RERG: variants seen among roughly 807,000 people sequenced by gnomAD.
RERG encodes the protein ras-related and estrogen-regulated growth inhibitor.
A neutral mutation model predicts 23.2 loss-of-function variants in RERG; 25 were observed. The observed-to-expected ratio is 1.08, with a 90% CI of 0.79 to 1.50. The LOEUF (loss-of-function observed/expected upper bound fraction) is 1.50. Among genes scored for constraint, RERG ranks in the 40% most tolerant of loss-of-function variants. RERG has a pLI of 0.00. For synonymous variants in RERG, 81 were observed against 89.1 expected, an observed-to-expected ratio of 0.91 and a Z score of 0.51; for missense variants, 253 against 250.1, an observed-to-expected ratio of 1.01 and a Z score of -0.08.
At chr12:15,179,927 A>C (rs1864901452) in intron 2 of RERG, among the ~76,000 whole-genome samples, 1 of 152,148 alleles carries the variant, frequency 6.6e-6, no homozygotes, top group Admixed American at 6.6e-5. Flanking sequence ...TGGGTCCCAC[A>C]TCATCTGGGT....
At chr12:15,138,582 A>G (rs1440560172) in intron 2 of RERG, among the ~76,000 whole-genome samples, 1 of 151,982 alleles carries the variant, frequency 6.6e-6, no homozygotes, top group Non-Finnish European at 1.5e-5. Context: ...TACATTAACC[A>G]TGAGCTTTTG....
chr12:15,133,143 G>GGA (rs1491128833), intron 2 of RERG, among the ~76,000 whole-genome samples: 1 of 63,024 alleles, frequency 1.6e-5, no homozygotes, highest in Non-Finnish European at 3.2e-5. Context: ...TATATCCTGT[G>GGA]GAGATATATA....
chr12:15,148,154 C>T (rs973652880), intron 2 of RERG, among the ~76,000 whole-genome samples: 9 of 151,892 alleles, frequency 5.9e-5, no homozygotes, highest in Admixed American at 2.0e-4. Flanking sequence ...TCTTAGATAA[C>T]GTGACCTGAG....
intron 2 of RERG, among the ~76,000 whole-genome samples, chr12:15,130,395 C>T (rs535123565): frequency 6.6e-6 from 1 of 152,134 alleles, no homozygotes; most frequent in Non-Finnish European, 1.5e-5. Context: ...TTCTCCTCCA[C>T]CTAAACTCCT....
At chr12:15,112,366 C>G (rs957354111) in intron 3 of RERG, 1 of 152,366 alleles carries the variant, frequency 6.6e-6, no homozygotes, top group African/African-American at 2.4e-5. Context: ...GGAGGTGGAA[C>G]TATATGGAGT....
chr12:15,148,961 T>C (rs1442032574), intron 2 of RERG, among the ~76,000 whole-genome samples: 1 of 140,368 alleles, frequency 7.1e-6, no homozygotes, highest in African/African-American at 2.6e-5. Flanking sequence ...CTCCGCCTCC[T>C]GGGTTCATGC....
chr12:15,150,092 G>A (rs1864413703), intron 2 of RERG, among the ~76,000 whole-genome samples: 1 of 152,116 alleles, frequency 6.6e-6, no homozygotes, highest in Non-Finnish European at 1.5e-5. Context: ...TAGGTACAAG[G>A]CCAAGACTGC....
At chr12:15,171,194 G>A (rs967557627) in intron 2 of RERG, among the ~76,000 whole-genome samples, 11 of 152,212 alleles carry the variant, frequency 7.2e-5, no homozygotes, top group Admixed American at 5.2e-4. Flanking sequence ...GGCGGTCAGA[G>A]CTGGTGTTGG....
At chr12:15,146,844 C>T (rs1189070867) in intron 2 of RERG, among the ~76,000 whole-genome samples, 1 of 152,138 alleles carries the variant, frequency 6.6e-6, no homozygotes. Context: ...AGCGATTTGG[C>T]CTTTGCATTG....
In RERG at chr12:15,171,311, T is replaced by C. The variant is rs941171691; in HGVS notation, c.61+46118A>G. Reference sequence around the variant, plus strand: ...TCAGAACCTTGAATTTACAGTACGATTAGTAGACTTTGAACAAATATTTTA... The same window carrying C: ...TCAGAACCTTGAATTTACAGTACGACTAGTAGACTTTGAACAAATATTTTA... On this transcript the variant is annotated intron_variant, in intron 2 of 4. Coordinates refer to ENST00000256953, the MANE Select transcript of RERG (RefSeq NM_032918.3). Among the ~76,000 whole-genome samples, 3 of 152,354 alleles carry C rather than the reference T, an allele frequency of 2.0e-5. No individual in the cohort carries two copies. The East Asian group carries it at 5.8e-4, about 29-fold the overall frequency.
chr12:15,159,469 T>C (rs188477294), intron 2 of RERG, among the ~76,000 whole-genome samples: 1 of 152,350 alleles, frequency 6.6e-6, no homozygotes, highest in Non-Finnish European at 1.5e-5. Context: ...TCAGGATTTT[T>C]AGTTTTCAAA....
chr12:15,209,315 T>A lies in RERG; in HGVS notation c.61+8114A>T, dbSNP rs546554774. 3.3e-5 allele frequency among the ~76,000 whole-genome samples: 5 copies of A among 152,162 alleles called. No individual in the cohort carries two copies. In the East Asian group the frequency reaches 9.6e-4, roughly 29 times the overall value. ...TTGTCCTACCTGCATTCTGTAAAAA[T>A]TGAAAAAAGAACAATTGAATCCATC... On this transcript the variant is annotated intron_variant, in intron 2 of 4. Transcript: ENST00000256953.
rs372033891 is a variant in RERG, at chr12:15,108,724, A to G, written c.*386T>C. 6.2e-6 allele frequency: 1 copy of G among 160,964 alleles called. No individual in the cohort carries two copies. The highest frequency in any genetic ancestry group is 1.8e-4 in the East Asian group (1 of 5,500). 10.0% of individuals were successfully genotyped at this position (160,964 alleles called of 1,614,324 possible). A position where few individuals can be genotyped will look rare whatever the true frequency, so the allele number is the denominator to read the frequency against. On this transcript the variant is annotated 3_prime_UTR_variant, in exon 5 of 5. Coordinates refer to ENST00000256953, the MANE Select transcript of RERG (RefSeq NM_032918.3). ...CTGTGTTTTTACTGTATTTTCTGCT[A>G]TCTTAGACTTTTAAGAAAATTATTT... is the stretch of plus-strand genomic sequence containing the variant.
At chr12:15,145,326 C>G (rs1272152603) in intron 2 of RERG, among the ~76,000 whole-genome samples, 1 of 152,246 alleles carries the variant, frequency 6.6e-6, no homozygotes, top group Non-Finnish European at 1.5e-5. Context: ...AAGAGAGAGA[C>G]AGAGCAATCC....
At chr12:15,126,153 G>A (rs7295107) in intron 2 of RERG, among the ~76,000 whole-genome samples, 77,510 of 121,050 alleles carry the variant, frequency 0.64, 24,890 homozygotes, top group Admixed American at 0.69. Flanking sequence ...ATATATATAT[G>A]TATTTACACA....
At chr12:15,113,684 C>T (rs1863665920) in intron 3 of RERG, among the ~76,000 whole-genome samples, 1 of 151,514 alleles carries the variant, frequency 6.6e-6, no homozygotes, top group South Asian at 2.1e-4. Context: ...AAAACAAAAA[C>T]AAAAATTTTC....
chr12:15,194,391 C>A (rs750204715), intron 2 of RERG, among the ~76,000 whole-genome samples: 12 of 151,978 alleles, frequency 7.9e-5, no homozygotes, highest in Non-Finnish European at 1.6e-4. Context: ...TGCTACTCCT[C>A]GGTTCTCAAA....
intron 2 of RERG, among the ~76,000 whole-genome samples, chr12:15,164,725 T>C (rs1346375955): frequency 3.3e-5 from 5 of 152,218 alleles, no homozygotes; most frequent in African/African-American, 9.7e-5. Context: ...AGCAGTCACA[T>C]TGAATTTTCC....
At chr12:15,180,108 T>C (rs985713040) in intron 2 of RERG, among the ~76,000 whole-genome samples, 1 of 152,072 alleles carries the variant, frequency 6.6e-6, no homozygotes, top group Non-Finnish European at 1.5e-5. Context: ...AGTTAGAAAT[T>C]TAACTTTTTT....
Sources: gnomAD v4.1 joint callset for allele counts (sites outside exome capture counted in the v4.1 genomes callset) on GRCh38, gnomAD v4.1.1 for gene constraint, MANE v1.5 for transcripts, NCBI Gene and HGNC (gene_info 2026-07-23, HGNC 2026-07-21) for gene names.